The following ERAP1 variants were observed in gnomAD, a reference collection of about 807,000 sequenced individuals.
ERAP1 encodes endoplasmic reticulum aminopeptidase 1.
Under a neutral mutation model 103.7 loss-of-function variants are expected in ERAP1, and 86 were observed. The ratio of observed to expected loss-of-function variants is 0.83; its 90% CI spans 0.70 to 0.99. The LOEUF (loss-of-function observed/expected upper bound fraction) is 0.99, where lower values mean the gene tolerates loss of function less well. Among genes scored for constraint, ERAP1 ranks in the 50% least tolerant of loss-of-function variants. The probability of loss-of-function intolerance (pLI) is 0.00; values close to 1 mark genes in which losing one functional copy is unlikely to be tolerated. For synonymous variants in ERAP1, 398 were observed against 402.4 expected, an observed-to-expected ratio of 0.99 and a Z score of 0.13; for missense variants, 1,009 against 1,128.4, an observed-to-expected ratio of 0.89 and a Z score of 1.52.
chr5:96,915,756 A>T, the ERAP1 span: 30 of 1,602,110 alleles, frequency 1.9e-5, 1 homozygote, highest in Middle Eastern at 9.9e-4. Flanking sequence ...TCTTCCAAGG[A>T]TAAGTTGCAA....
At chr5:96,816,053 A>G in the ERAP1 span, among the ~76,000 whole-genome samples, 1 of 152,174 alleles carries the variant, frequency 6.6e-6, no homozygotes, top group Admixed American at 6.5e-5. Context: ...CAGATTTTCC[A>G]CACGTTAGCC....
the ERAP1 span, among the ~76,000 whole-genome samples, chr5:96,887,370 G>A: frequency 6.1e-5 from 9 of 147,744 alleles, no homozygotes; most frequent in East Asian, 1.2e-3. Context: ...ATGCTATCTC[G>A]GCTCACTGCA....
chr5:96,879,764 G>A, the ERAP1 span: 2 of 1,614,044 alleles, frequency 1.2e-6, no homozygotes, highest in Non-Finnish European at 1.7e-6. Flanking sequence ...CTGCTTAACA[G>A]CCATCTTGCC....
chr5:96,870,197 A>G, the ERAP1 span, among the ~76,000 whole-genome samples: 8 of 152,222 alleles, frequency 5.3e-5, no homozygotes, highest in Admixed American at 1.3e-4. Context: ...CAGGAGCTGA[A>G]TGGGCACTCA....
chr5:96,801,218 G>A (rs887308211), intron 2 of ERAP1, among the ~76,000 whole-genome samples: 1 of 152,154 alleles, frequency 6.6e-6, no homozygotes, highest in Non-Finnish European at 1.5e-5. Flanking sequence ...ACATTTTTGG[G>A]AGGTTGAGGT....
upstream of ERAP1, chr5:96,808,023 T>TAAGGCGGGAGCTGGGGA (rs1778862600): frequency 1.0e-6 from 1 of 985,290 alleles, no homozygotes; most frequent in African/African-American, 1.7e-5. Flanking sequence ...AGCCCCTGGC[T>TAAGGCGGGAGCTGGGGA]AAGGCGGGAG....
intron 10 of ERAP1, among the ~76,000 whole-genome samples, chr5:96,789,698 G>T (rs923465431): frequency 1.3e-5 from 2 of 152,174 alleles, no homozygotes; most frequent in Non-Finnish European, 2.9e-5. Context: ...AGGCTGTTTT[G>T]TGACTTGATG....
At chr5:96,887,096 TATATAC>T in the ERAP1 span, among the ~76,000 whole-genome samples, 52 of 140,310 alleles carry the variant, frequency 3.7e-4, no homozygotes, top group Middle Eastern at 3.9e-3. Flanking sequence ...TATATATATA[TATATAC>T]ACACACACAC....
At chr5:96,881,078 G>A in the ERAP1 span, 1 of 226,978 alleles carries the variant, frequency 4.4e-6, no homozygotes, top group Non-Finnish European at 9.0e-6. Flanking sequence ...AGTGTAAGCT[G>A]AGGAGAGCGA....
the ERAP1 span, among the ~76,000 whole-genome samples, chr5:96,852,007 G>A: frequency 1.3e-5 from 2 of 152,188 alleles, no homozygotes; most frequent in Non-Finnish European, 2.9e-5. Flanking sequence ...ACTTAGAGCA[G>A]TTCTGTCATG....
chr5:96,780,222 G>A (rs574946717), intron 18 of ERAP1, among the ~76,000 whole-genome samples: 3 of 152,258 alleles, frequency 2.0e-5, no homozygotes, highest in East Asian at 1.9e-4. Context: ...ACCTCTTAAC[G>A]TGTCTGAGAA....
At chr5:96,933,856 T>C in the ERAP1 span, among the ~76,000 whole-genome samples, 1 of 152,216 alleles carries the variant, frequency 6.6e-6, no homozygotes, top group Non-Finnish European at 1.5e-5. Flanking sequence ...ATATCTGAAC[T>C]GGGATACATC....
the ERAP1 span, among the ~76,000 whole-genome samples, chr5:96,858,348 G>T: frequency 2.0e-5 from 3 of 151,710 alleles, no homozygotes; most frequent in Admixed American, 2.0e-4. Context: ...CCGAATAGCT[G>T]GGATTACAGG....
the ERAP1 span, among the ~76,000 whole-genome samples, chr5:96,882,907 CAG>C: frequency 6.6e-6 from 1 of 152,162 alleles, no homozygotes; most frequent in Non-Finnish European, 1.5e-5. Context: ...CCTCCTTTTC[CAG>C]TCAAAATCTG....
chr5:96,768,424 T>C (rs1191915342), intron 19 of ERAP1: 13 of 456,186 alleles, frequency 2.8e-5, no homozygotes, highest in Non-Finnish European at 5.3e-5. Flanking sequence ...AACGATGATA[T>C]AGAGAACCTG....
chr5:96,773,552 G>A (rs1327166259), downstream of ERAP1: 2 of 151,842 alleles, frequency 1.3e-5, no homozygotes, highest in African/African-American at 2.4e-5. Context: ...CTGGCTTTAT[G>A]GAACTTAAGT....
chr5:96,906,356 T>C, the ERAP1 span, among the ~76,000 whole-genome samples: 2 of 152,102 alleles, frequency 1.3e-5, no homozygotes, highest in Admixed American at 6.5e-5. Flanking sequence ...AGCCTCAACC[T>C]CCTGGGCTCA....
At chr5:96,768,656 G>T (rs1224487426) in intron 19 of ERAP1, among the ~76,000 whole-genome samples, 2 of 152,144 alleles carry the variant, frequency 1.3e-5, no homozygotes, top group East Asian at 1.9e-4. Flanking sequence ...TGCTATGTCT[G>T]TGTTCATTTA....
the ERAP1 span, among the ~76,000 whole-genome samples, chr5:96,894,168 G>A: frequency 7.9e-5 from 12 of 152,318 alleles, no homozygotes; most frequent in East Asian, 5.8e-4. Context: ...TGCCAGGAAC[G>A]CAGTAGGTTC....
Sources: gnomAD v4.1 joint callset for allele counts (sites outside exome capture counted in the v4.1 genomes callset) on GRCh38, gnomAD v4.1.1 for gene constraint, MANE v1.5 for transcripts, NCBI Gene and HGNC (gene_info 2026-07-23, HGNC 2026-07-21) for gene names.